ADGB: variants seen among roughly 807,000 people sequenced by gnomAD.
ADGB encodes androglobin.
A neutral mutation model predicts 210.5 loss-of-function variants in ADGB; 172 were observed. That is an observed-to-expected ratio of 0.82 (90% CI 0.72 to 0.93). The LOEUF (loss-of-function observed/expected upper bound fraction) is 0.93, where lower values mean the gene tolerates loss of function less well. Among genes scored for constraint, ADGB ranks in the 40% least tolerant of loss-of-function variants. The probability of loss-of-function intolerance (pLI) is 0.00; values close to 1 mark genes in which losing one functional copy is unlikely to be tolerated. For missense variants in ADGB, 2,025 were observed against 1,964.8 expected (o/e 1.03, Z -0.58); for synonymous variants, 658 against 662.7 (o/e 0.99, Z 0.11).
rs1002026626 is a variant in ADGB at position 146,803,363 on chromosome 6, G to C, written c.4818+1352G>C. The C allele has an allele frequency of 4.4e-6, 7 of 1,606,390 alleles. No homozygotes were observed. In the African/African-American group the frequency reaches 9.4e-5, roughly 21 times the overall value. On this transcript the variant is annotated intron_variant, in intron 35 of 35. Transcript: ENST00000397944. Reference sequence around the variant, plus strand: ...TAACCAAATATGTTCGACTGTCATGGTGTAATTTTTCAGTCTGGTGGCCTG... The same window carrying C: ...TAACCAAATATGTTCGACTGTCATGCTGTAATTTTTCAGTCTGGTGGCCTG...
At chr6:146,750,732 T>C (rs1202651515) in intron 26 of ADGB, among the ~76,000 whole-genome samples, 2 of 152,138 alleles carry the variant, frequency 1.3e-5, no homozygotes, top group East Asian at 1.9e-4. Flanking sequence ...CGGGAAAGAA[T>C]GGATTAGACT....
At chr6:146,665,823 T>A (rs1775931228) in intron 6 of ADGB, among the ~76,000 whole-genome samples, 2 of 152,110 alleles carry the variant, frequency 1.3e-5, no homozygotes, top group Admixed American at 6.6e-5. Flanking sequence ...TGCTTTTATA[T>A]GAGGATTAGC....
At chr6:146,632,820 A>T (rs2114856188) in intron 1 of ADGB, among the ~76,000 whole-genome samples, 1 of 152,244 alleles carries the variant, frequency 6.6e-6, no homozygotes, top group African/African-American at 2.4e-5. Context: ...TGTCTGGCTT[A>T]GTTGGAGGCT....
chr6:146,689,992 C>T (rs1345615831), intron 10 of ADGB, among the ~76,000 whole-genome samples: 1 of 152,126 alleles, frequency 6.6e-6, no homozygotes, highest in African/African-American at 2.4e-5. Flanking sequence ...AATTCGGTGA[C>T]TTAACAACTA....
chr6:146,713,032 C>T (rs960980352), intron 13 of ADGB, among the ~76,000 whole-genome samples: 4 of 151,290 alleles, frequency 2.6e-5, no homozygotes. Context: ...TGACTTATTT[C>T]ATTTGGCATA....
At chr6:146,755,866 C>T (rs2114615794) in intron 27 of ADGB, among the ~76,000 whole-genome samples, 1 of 152,138 alleles carries the variant, frequency 6.6e-6, no homozygotes, top group Middle Eastern at 3.4e-3. Context: ...TTTGATTAAA[C>T]CTACAAGCAA....
chr6:146,650,963 A>C (rs977939655), intron 3 of ADGB, among the ~76,000 whole-genome samples: 4 of 152,346 alleles, frequency 2.6e-5, no homozygotes, highest in African/African-American at 9.6e-5. Flanking sequence ...GACATACACT[A>C]AGTCTAGACA....
chr6:146,811,057 A>ATATGTAATGTG (rs1225332131), intron 35 of ADGB, among the ~76,000 whole-genome samples: 2 of 152,218 alleles, frequency 1.3e-5, no homozygotes, highest in Admixed American at 6.5e-5. Context: ...GCCCACTTGT[A>ATATGTAATGTG]TATGTAATGT....
intron 20 of ADGB, among the ~76,000 whole-genome samples, chr6:146,729,087 T>TTGCTCTCAACCAACC (rs1776940760): frequency 1.3e-5 from 2 of 152,176 alleles, no homozygotes; most frequent in Non-Finnish European, 2.9e-5. Context: ...TGTTAGGTGG[T>TTGCTCTCAACCAACC]TGCTCTCAAG....
At chr6:146,761,238 A>C (rs1278684100) in intron 27 of ADGB, among the ~76,000 whole-genome samples, 1 of 152,098 alleles carries the variant, frequency 6.6e-6, no homozygotes, top group South Asian at 2.1e-4. Context: ...TGTTTATTTC[A>C]ATGATGCATC....
At chr6:146,671,880 T>C (rs1776012769) in intron 7 of ADGB, among the ~76,000 whole-genome samples, 2 of 152,126 alleles carry the variant, frequency 1.3e-5, no homozygotes, top group African/African-American at 4.8e-5. Context: ...TAAGTGATCA[T>C]GCATGCAAAA....
At chr6:146,811,683 T>C (rs1276234121) in intron 35 of ADGB, among the ~76,000 whole-genome samples, 1 of 152,208 alleles carries the variant, frequency 6.6e-6, no homozygotes, top group Non-Finnish European at 1.5e-5. Context: ...TGTTTTGTTT[T>C]GTTTTTGAGA....
At chr6:146,783,969 G>T (rs1029325888) in intron 30 of ADGB, among the ~76,000 whole-genome samples, 4 of 152,178 alleles carry the variant, frequency 2.6e-5, no homozygotes, top group African/African-American at 9.7e-5. Context: ...ATGAAGAGAT[G>T]CTATGAGTGA....
chr6:146,763,832 A>T lies in ADGB; in HGVS notation c.3551-69A>T. 2.3e-6 allele frequency: 3 copies of T among 1,318,264 alleles called. No individual in the cohort carries two copies. The South Asian group carries it at 4.5e-5, about 20-fold the overall frequency. The allele number at this position is 1,318,264 out of a possible 1,614,324, so 81.7% of individuals were successfully genotyped here. ...TTTGAGTGTTTTATAAAGGAATGTA[A>T]CTGATTTAGTCAGTAATAACTATGT... On this transcript the variant is annotated intron_variant, in intron 27 of 35. Transcript: ENST00000397944.
intron 24 of ADGB, 44 bp from the exon 25 acceptor site, chr6:146,741,070 CCTTT>C: frequency 7.1e-7 from 1 of 1,403,898 alleles, no homozygotes; most frequent in Non-Finnish European, 9.3e-7. Flanking sequence ...TTTCAAACTT[CCTTT>C]AAGAATTCAC....
At chr6:146,742,469 A>G (rs1777175619) in intron 25 of ADGB, among the ~76,000 whole-genome samples, 1 of 152,126 alleles carries the variant, frequency 6.6e-6, no homozygotes. Context: ...TTTACATTTT[A>G]TAAGCAAATC....
intron 26 of ADGB, among the ~76,000 whole-genome samples, chr6:146,747,387 A>G (rs947773511): frequency 6.6e-6 from 1 of 152,220 alleles, no homozygotes; most frequent in African/African-American, 2.4e-5. Flanking sequence ...TAGTCTAAAA[A>G]GTGAAATTTA....
chr6:146,801,187 A>G lies in ADGB; in HGVS notation c.4542A>G (p.Thr1514=). ...GTGTGTGTGTTTTTTTTAAAGAAAC[A>G]GGACCTCGTACACGATCTCCAACAA... ...EQSTRKENIQ[T]GPRTRSPTIL... Residue 1514 remains threonine, a synonymous_variant, in exon 34 of 36, where the codon ACA becomes ACG. Coordinates refer to ENST00000397944, the MANE Select transcript of ADGB (RefSeq NM_024694.4). 1 of 1,475,768 alleles carries G rather than the reference A, an allele frequency of 6.8e-7. No homozygotes were observed. The highest frequency in any genetic ancestry group is 1.7e-4 in the Middle Eastern group (1 of 5,744). The allele number at this position is 1,475,768 out of a possible 1,614,324, so 91.4% of individuals were successfully genotyped here.
intron 35 of ADGB, among the ~76,000 whole-genome samples, chr6:146,812,394 T>C (rs554788397): frequency 6.6e-6 from 1 of 152,388 alleles, no homozygotes; most frequent in East Asian, 1.9e-4. Context: ...CAGAAACATC[T>C]GTGCTTGTGT....
Sources: allele counts gnomAD v4.1 joint callset (sites outside exome capture counted in the v4.1 genomes callset), GRCh38; gene constraint gnomAD v4.1.1; transcripts MANE v1.5; gene names NCBI Gene and HGNC (gene_info 2026-07-23, HGNC 2026-07-21).